Variants in DDRGK1 observed in about 807,000 individuals in gnomAD.
DDRGK1 encodes DDRGK domain containing 1, also known as DDRGK domain-containing protein 1.
DDRGK1 carries 38 observed loss-of-function variants against 45.8 expected under a neutral mutation model. The observed-to-expected ratio is 0.83, with a 90% CI of 0.64 to 1.09. The LOEUF (loss-of-function observed/expected upper bound fraction) is 1.09, where lower values mean the gene tolerates loss of function less well. DDRGK1 is among the 50% of genes least tolerant of loss of function. The pLI is 0.00. For synonymous variants in DDRGK1, 171 were observed against 168.7 expected, an observed-to-expected ratio of 1.01 and a Z score of -0.11; for missense variants, 403 against 419.9, an observed-to-expected ratio of 0.96 and a Z score of 0.35.
chr20:3,197,743 A>G (rs1462115166), intron 4 of DDRGK1, among the ~76,000 whole-genome samples: 2 of 151,688 alleles, frequency 1.3e-5, no homozygotes, highest in Non-Finnish European at 2.9e-5. Flanking sequence ...CAGCCTGGCC[A>G]ATACGGTGAA....
At chr20:3,200,518 C>G in intron 2 of DDRGK1, 64 bp from the exon 3 acceptor site, 3 of 1,426,310 alleles carry the variant, frequency 2.1e-6, no homozygotes, top group Non-Finnish European at 2.9e-6. Flanking sequence ...CGATGGATCC[C>G]CAACCCCTCG....
chr20:3,200,982 C>A (rs569045905), intron 2 of DDRGK1, among the ~76,000 whole-genome samples: 45 of 152,144 alleles, frequency 3.0e-4, no homozygotes, highest in African/African-American at 1.0e-3. Flanking sequence ...TGGTGGCGGG[C>A]ACCTGTAGTC....
rs767661279 is a variant in DDRGK1, at chr20:3,203,194, C to G, written c.295+19G>C. ...CCTCCAACCCAAACCCTCTCCCCAC[C>G]AGGCTGGGCCCCTCTCACCTAGGAT... On this transcript the variant is annotated intron_variant, in intron 2 of 8. Coordinates refer to ENST00000354488, the MANE Select transcript of DDRGK1 (RefSeq NM_023935.3). 1 of 1,533,868 alleles carries G rather than the reference C, an allele frequency of 6.5e-7. No homozygotes were observed. Among genetic ancestry groups the G allele is most frequent in the Admixed American group, 2.1e-5 (1 of 47,880 alleles).
chr20:3,201,478 CAAAAA>C (rs1191917763), intron 2 of DDRGK1, among the ~76,000 whole-genome samples: 1 of 69,328 alleles, frequency 1.4e-5, no homozygotes, highest in Non-Finnish European at 3.2e-5. Context: ...GACTCTGTCT[CAAAAA>C]AAAAAAAAAA....
chr20:3,194,872 G>C lies in DDRGK1; in HGVS notation c.634-4C>G. On this transcript the variant is annotated splice_polypyrimidine_tract_variant and splice_region_variant and intron_variant, in intron 5 of 8. Transcript: ENST00000354488. Reference sequence around the variant, plus strand: ...ACTCTGTCAGGAAGCTCTGGGACTAGAGAAGCAGAGAAATCAGGGTGAGCA... The same window carrying C: ...ACTCTGTCAGGAAGCTCTGGGACTACAGAAGCAGAGAAATCAGGGTGAGCA... 1 of 1,614,016 alleles carries C rather than the reference G, an allele frequency of 6.2e-7. No homozygotes were observed.
chr20:3,200,047 T>G lies in DDRGK1; in HGVS notation c.464A>C (p.Glu155Ala). The change falls in exon 4 of 9, where the codon GAG becomes GCG. Residue 155 changes from glutamate (E) to alanine (A), a missense_variant. Glu to Ala is a moderately radical substitution (Grantham distance 107). Transcript: ENST00000354488. ...AAGCCGCTCCTCCTCCTTCTTCCAC[T>G]CAGCTTCGCGCTGGGACTCGAGTCG... ...RKRLESQREA[E>A]WKKEEERLRL... is the part of the protein sequence containing the mutation. 2 of 1,613,894 alleles carry G rather than the reference T, an allele frequency of 1.2e-6. No homozygotes were observed. Among genetic ancestry groups the G allele is most frequent in the Non-Finnish European group, 1.7e-6 (2 of 1,179,978 alleles).
intron 6 of DDRGK1, among the ~76,000 whole-genome samples, chr20:3,194,024 T>G (rs2066999687): frequency 6.6e-6 from 1 of 152,092 alleles, no homozygotes; most frequent in Non-Finnish European, 1.5e-5. Flanking sequence ...CAGGACCCTC[T>G]CAAAGCTGCC....
chr20:3,192,796 C>T (rs543580770), intron 6 of DDRGK1, among the ~76,000 whole-genome samples: 44 of 152,336 alleles, frequency 2.9e-4, no homozygotes, highest in African/African-American at 1.0e-3. Context: ...CGCAAATGAG[C>T]TGGGGGAGGA....
At chr20:3,196,180 C>T (rs903766775) in intron 4 of DDRGK1, among the ~76,000 whole-genome samples, 1 of 152,196 alleles carries the variant, frequency 6.6e-6, no homozygotes, top group Non-Finnish European at 1.5e-5. Context: ...GGGACCTACT[C>T]TTCTACGTTT....
chr20:3,193,049 CT>C (rs1447440530), intron 6 of DDRGK1, among the ~76,000 whole-genome samples: 1 of 152,180 alleles, frequency 6.6e-6, no homozygotes, highest in Non-Finnish European at 1.5e-5. Context: ...TGAGGTGCTG[CT>C]GGGGCCAAAA....
chr20:3,191,507 T>C (rs1322641765), intron 7 of DDRGK1: 3 of 689,596 alleles, frequency 4.4e-6, no homozygotes, highest in Non-Finnish European at 7.9e-6. Flanking sequence ...ATGAGAGTTG[T>C]CAAGGTAACT....
intron 6 of DDRGK1, among the ~76,000 whole-genome samples, chr20:3,193,267 C>A (rs774901042): frequency 6.6e-6 from 1 of 152,218 alleles, no homozygotes; most frequent in Non-Finnish European, 1.5e-5. Context: ...AAGGTCTATC[C>A]CCTTGGAGCA....
Position 3,204,469 on chromosome 20 carries a change from C to G in DDRGK1, c.91+68G>C, listed in dbSNP as rs1160715885. The G allele has an allele frequency of 6.2e-6, 9 of 1,462,712 alleles. No homozygotes were observed. The African/African-American group carries it at 1.3e-4, about 21-fold the overall frequency. The allele number at this position is 1,462,712 out of a possible 1,614,324, so 90.6% of individuals were successfully genotyped here. A position where few individuals can be genotyped will look rare whatever the true frequency, so the allele number is the denominator to read the frequency against. ...CGCACGCGCAGGAGCCGCGGCGCGACGGTCCACAAAGGCTCAGAAGGCCAG... is the reference window on the plus strand; with the variant it reads ...CGCACGCGCAGGAGCCGCGGCGCGAGGGTCCACAAAGGCTCAGAAGGCCAG... On this transcript the variant is annotated intron_variant, in intron 1 of 8. Coordinates refer to ENST00000354488, the MANE Select transcript of DDRGK1 (RefSeq NM_023935.3).
At chr20:3,190,938 G>A in intron 8 of DDRGK1, 119 bp from the exon 9 acceptor site, 2 of 1,423,286 alleles carry the variant, frequency 1.4e-6, no homozygotes, top group Non-Finnish European at 1.9e-6. Flanking sequence ...TGCCTGCCTG[G>A]ACTTTCCTGG....
At chr20:3,191,339 C>A in intron 7 of DDRGK1, 101 bp from the exon 8 acceptor site, 1 of 1,322,984 alleles carries the variant, frequency 7.6e-7, no homozygotes, top group Non-Finnish European at 1.1e-6. Flanking sequence ...TTATTTCCCT[C>A]TCATGCCACG....
rs2066985023 is a variant in DDRGK1 at position 3,190,591 on chromosome 20, G to C, written c.*62C>G. The C allele has an allele frequency of 6.3e-7, 1 of 1,579,742 alleles. No individual in the cohort carries two copies. Among genetic ancestry groups the C allele is most frequent in the African/African-American group, 1.3e-5 (1 of 74,214 alleles). On this transcript the variant is annotated 3_prime_UTR_variant, in exon 9 of 9. Coordinates refer to ENST00000354488, the MANE Select transcript of DDRGK1 (RefSeq NM_023935.3). The stretch of plus-strand genomic sequence containing the variant: ...ATCACTTCCCCAGGATGGTGGGGAG[G>C]GATGAAGATGTATAGCCAGGTAGGC...
intron 4 of DDRGK1, 122 bp downstream of exon 4, chr20:3,199,879 G>T: frequency 2.3e-6 from 2 of 860,946 alleles, no homozygotes; most frequent in Non-Finnish European, 3.4e-6. Context: ...AATAAACCAG[G>T]ACCTGCCCTT....
chr20:3,200,522 C>A, intron 2 of DDRGK1, 68 bp from the exon 3 acceptor site: 1 of 1,378,574 alleles, frequency 7.3e-7, no homozygotes, highest in South Asian at 1.3e-5. Flanking sequence ...GGATCCCCAA[C>A]CCCTCGTCCC....
In DDRGK1 at chr20:3,197,828, G is replaced by A. The variant is rs139626453; in HGVS notation, c.510+2173C>T. Among the ~76,000 whole-genome samples, 1,248 of 151,668 alleles carry A rather than the reference G, an allele frequency of 8.2e-3. 12 individuals carry two copies. The highest frequency in any genetic ancestry group is 0.028 in the African/African-American group (1,137 of 41,320). ...GTCTGTCATCCTAGCTGCTTGGGAG[G>A]CTGAAGCAGGAGAATCATTTGAAAT... is the stretch of plus-strand genomic sequence containing the variant. On this transcript the variant is annotated intron_variant, in intron 4 of 8. Transcript: ENST00000354488.
Sources: gnomAD v4.1 joint callset for allele counts (sites outside exome capture counted in the v4.1 genomes callset) on GRCh38, gnomAD v4.1.1 for gene constraint, MANE v1.5 for transcripts, NCBI Gene and HGNC (gene_info 2026-07-23, HGNC 2026-07-21) for gene names.